The following ESR1 variants were observed in gnomAD, a reference collection of about 807,000 sequenced individuals.
ESR1 encodes estrogen receptor.
A neutral mutation model predicts 52.7 loss-of-function variants in ESR1; 12 were observed. The ratio of observed to expected loss-of-function variants is 0.23; its 90% confidence interval spans 0.15 to 0.37. The LOEUF is 0.37. ESR1 is among the 10% of genes least tolerant of loss of function. The pLI, the probability that ESR1 is intolerant of heterozygous loss-of-function variation, is 1.00. For synonymous variants in ESR1, 305 were observed against 316.8 expected, an observed-to-expected ratio of 0.96 and a Z score of 0.39; for missense variants, 584 against 779.7, an observed-to-expected ratio of 0.75 and a Z score of 2.99.
At chr6:151,854,687 A>G (rs1445267529) in intron 2 of ESR1, among the ~76,000 whole-genome samples, 1 of 152,124 alleles carries the variant, frequency 6.6e-6, no homozygotes, top group African/African-American at 2.4e-5. Context: ...TTAGCACCCA[A>G]GGTTGGGTGG....
chr6:152,022,977 C>CAAA (rs552229617), intron 5 of ESR1, among the ~76,000 whole-genome samples: 1 of 116,834 alleles, frequency 8.6e-6, no homozygotes, highest in Non-Finnish European at 1.9e-5. Context: ...AACTCTGTCT[C>CAAA]AAAAAAAAAA....
chr6:152,000,655 G>A (rs911483025), intron 4 of ESR1, among the ~76,000 whole-genome samples: 11 of 151,884 alleles, frequency 7.2e-5, no homozygotes, highest in African/African-American at 2.7e-4. Context: ...TTTCAGTGAC[G>A]GCACCTGCAT....
chr6:151,832,626 C>T (rs550111726), intron 1 of ESR1, among the ~76,000 whole-genome samples: 1 of 152,294 alleles, frequency 6.6e-6, no homozygotes, highest in African/African-American at 2.4e-5. Context: ...TCTGTCAGAG[C>T]AACAGACTCA....
intron 2 of ESR1, among the ~76,000 whole-genome samples, chr6:151,848,746 T>C (rs1485273278): frequency 6.6e-6 from 1 of 152,136 alleles, no homozygotes; most frequent in Non-Finnish European, 1.5e-5. Context: ...ACACTTGCTC[T>C]TATACGATTC....
chr6:151,811,728 CTTTTTTA>C (rs1267928087), intron 1 of ESR1, among the ~76,000 whole-genome samples: 1 of 152,068 alleles, frequency 6.6e-6, no homozygotes, highest in Non-Finnish European at 1.5e-5. Flanking sequence ...TCTGATCTTA[CTTTTTTA>C]TTAATTTAAA....
chr6:151,848,752 G>A (rs959911842), intron 2 of ESR1, among the ~76,000 whole-genome samples: 1 of 152,016 alleles, frequency 6.6e-6, no homozygotes, highest in East Asian at 1.9e-4. Context: ...GCTCTTATAC[G>A]ATTCAGTTTC....
At chr6:151,829,196 A>G (rs1029776340) in intron 1 of ESR1, among the ~76,000 whole-genome samples, 7 of 152,222 alleles carry the variant, frequency 4.6e-5, no homozygotes, top group African/African-American at 1.7e-4. Context: ...ATGTGTGCTA[A>G]CCTAGGCAAT....
intron 2 of ESR1, among the ~76,000 whole-genome samples, chr6:151,712,055 T>G (rs1394338108): frequency 6.6e-6 from 1 of 152,238 alleles, no homozygotes; most frequent in Non-Finnish European, 1.5e-5. Flanking sequence ...TTCAGTTTTC[T>G]GCATATGGCT....
At chr6:151,883,897 C>T (rs761618948) in intron 3 of ESR1, among the ~76,000 whole-genome samples, 9 of 152,138 alleles carry the variant, frequency 5.9e-5, no homozygotes, top group African/African-American at 1.7e-4. Context: ...CCAGTCATAT[C>T]GGATTAGGGC....
At chr6:151,799,769 G>A (rs1328785072), upstream of ESR1, among the ~76,000 whole-genome samples, 1 of 152,226 alleles carries the variant, frequency 6.6e-6, no homozygotes, top group African/African-American at 2.4e-5. Context: ...TGGCTATGAT[G>A]TCTCAAGGGA....
At position 152,122,346 on chromosome 6, in the gene ESR1, G is replaced by A. The variant is rs2051585871; in HGVS notation, c.851-2920G>A. 9 of 1,608,720 alleles carry A rather than the reference G, an allele frequency of 5.6e-6. 1 individual carries two copies. The South Asian group carries it at 9.9e-5, about 18-fold the overall frequency. ...CTGCCACACCGAGGGCTTTCGCCAA[G>A]ATCAAGGTCCTCTTGTTGGTAGTTT... On this transcript the variant is annotated intron_variant, in intron 6 of 6. Coordinates refer to the ESR1 transcript ENST00000427531.
chr6:152,087,381 C>T (rs947483921), intron 6 of ESR1, among the ~76,000 whole-genome samples: 3 of 152,142 alleles, frequency 2.0e-5, no homozygotes, highest in African/African-American at 7.2e-5. Flanking sequence ...ATTCACTTTC[C>T]CATCAGCAAG....
At chr6:151,657,730 A>G (rs1268049050) in intron 1 of ESR1, among the ~76,000 whole-genome samples, 2 of 152,224 alleles carry the variant, frequency 1.3e-5, no homozygotes, top group Non-Finnish European at 2.9e-5. Context: ...ATGGACTGCA[A>G]ATGTTACACA....
At chr6:152,116,518 C>A (rs148273347) in intron 6 of ESR1, among the ~76,000 whole-genome samples, 1 of 152,110 alleles carries the variant, frequency 6.6e-6, no homozygotes, top group African/African-American at 2.4e-5. Flanking sequence ...AACATAAAAG[C>A]GGGAGATGAT....
intron 4 of ESR1, among the ~76,000 whole-genome samples, chr6:151,987,525 G>A (rs2040608630): frequency 6.6e-6 from 1 of 152,054 alleles, no homozygotes. Flanking sequence ...TTACGTGGCA[G>A]ACTTTATTTT....
rs1465993994 is a variant in ESR1, at chr6:151,842,585, T to C, written c.453-12T>C. Reference sequence around the variant, plus strand: ...TCTAATGTTAATGGATTTACTGTTTTTTTCCCCCCAGGCCAAATTCAGATA... The same window carrying C: ...TCTAATGTTAATGGATTTACTGTTTCTTTCCCCCCAGGCCAAATTCAGATA... On this transcript the variant is annotated splice_polypyrimidine_tract_variant and intron_variant, in intron 1 of 7. Transcript: ENST00000206249. The C allele has an allele frequency of 6.2e-7, 1 of 1,611,670 alleles. No individual in the cohort carries two copies.
chr6:151,765,526 A>G (rs1365888456), intron 2 of ESR1, among the ~76,000 whole-genome samples: 1 of 152,258 alleles, frequency 6.6e-6, no homozygotes, highest in Non-Finnish European at 1.5e-5. Context: ...TACTCTCGTT[A>G]GCCATGCTAT....
rs551193532 is a variant in ESR1 at position 151,749,832 on chromosome 6, CAG to C, written c.-71+47829_-71+47830del. 3.8e-3 allele frequency among the ~76,000 whole-genome samples: 572 copies of C among 152,272 alleles called. 2 individuals carry two copies. The highest frequency in any genetic ancestry group is 0.013 in the African/African-American group (532 of 41,556). ...ACTGCTAGACAGAGCTCTGTCAACA[CAG>C]ATCTGACAATCTCATTCAGAAACAA... On this transcript the variant is annotated intron_variant, in intron 2 of 2. Coordinates refer to the ESR1 transcript ENST00000404742.
chr6:151,857,509 A>C (rs963882784), intron 2 of ESR1, among the ~76,000 whole-genome samples: 6 of 151,276 alleles, frequency 4.0e-5, no homozygotes, highest in East Asian at 1.9e-4. Context: ...ACACACACAC[A>C]CCAATGTGTA....
Sources: gnomAD v4.1 joint callset for allele counts (sites outside exome capture counted in the v4.1 genomes callset) on GRCh38, gnomAD v4.1.1 for gene constraint, MANE v1.5 for transcripts, NCBI Gene and HGNC (gene_info 2026-07-23, HGNC 2026-07-21) for gene names.